Variants in ERC1 observed in about 807,000 individuals in gnomAD.
ERC1 encodes ELKS/RAB6-interacting/CAST family member 1, also known as RAB6 interacting protein 2.
Under a neutral mutation model 132.0 loss-of-function variants are expected in ERC1, and 56 were observed. The ratio of observed to expected loss-of-function variants is 0.42; its 90% CI spans 0.34 to 0.53. The LOEUF is 0.53. Among genes scored for constraint, ERC1 ranks in the 20% least tolerant of loss-of-function variants. The probability of loss-of-function intolerance (pLI) is 0.03; values close to 1 mark genes in which losing one functional copy is unlikely to be tolerated. For missense variants in ERC1, 1,202 were observed against 1,349.9 expected (o/e 0.89, Z 1.72); for synonymous variants, 478 against 476.1 (o/e 1.00, Z -0.05).
At chr12:1,234,606 A>G (rs777336055) in intron 12 of ERC1, among the ~76,000 whole-genome samples, 1 of 152,170 alleles carries the variant, frequency 6.6e-6, no homozygotes, top group Non-Finnish European at 1.5e-5. Flanking sequence ...CTAGTTCTGA[A>G]ATTTCTATGA....
intron 7 of ERC1, 195 bp downstream of exon 7, chr12:1,116,228 A>G (rs1387286555): frequency 2.2e-6 from 1 of 456,810 alleles, no homozygotes. Flanking sequence ...ACAAGTTAAA[A>G]CAGGTGCAGT....
At chr12:1,024,055 T>G (rs1004343185) in intron 1 of ERC1, among the ~76,000 whole-genome samples, 26 of 152,108 alleles carry the variant, frequency 1.7e-4, no homozygotes, top group Non-Finnish European at 3.7e-4. Context: ...ATGTAGGAGA[T>G]GAGATACGTA....
intron 8 of ERC1, among the ~76,000 whole-genome samples, chr12:1,155,582 T>G (rs1951306817): frequency 6.6e-6 from 1 of 151,988 alleles, no homozygotes; most frequent in Non-Finnish European, 1.5e-5. Context: ...GTTCACACCA[T>G]TCTCCTGCCT....
rs756965670 is a variant in ERC1 at position 1,190,060 on chromosome 12, A to G, written c.2351+8A>G. On this transcript the variant is annotated splice_region_variant and intron_variant, in intron 12 of 18. Transcript: ENST00000360905. ...GATAGCTGAGTTGGAAAGGTAAGAA[A>G]GTGAAGCTGATTGGGGCTTATGAGG... 1.1e-4 allele frequency: 178 copies of G among 1,609,736 alleles called. No individual in the cohort carries two copies. Among genetic ancestry groups the G allele is most frequent in the Non-Finnish European group, 1.5e-4 (175 of 1,176,550 alleles).
Position 1,084,822 on chromosome 12 carries a change from G to C in ERC1, c.1086+1242G>C, listed in dbSNP as rs189356617. On this transcript the variant is annotated intron_variant, in intron 3 of 18. Transcript: ENST00000360905. ...GCCTTCTGCCTTAGCCTCCCTAGTA[G>C]GTAGGTCTACAGGTGCATGCCACCA... Among the ~76,000 whole-genome samples the C allele has an allele frequency of 7.2e-5, 11 of 151,970 alleles. No homozygotes were observed. The East Asian group carries it at 2.1e-3, about 29-fold the overall frequency.
chr12:1,387,143 G>A (rs1036608583), intron 16 of ERC1, among the ~76,000 whole-genome samples: 8 of 151,552 alleles, frequency 5.3e-5, no homozygotes, highest in Admixed American at 2.6e-4. Context: ...TTTCTGTTTC[G>A]CATATTGACA....
At chr12:1,384,386 G>A (rs1450078690) in intron 16 of ERC1, among the ~76,000 whole-genome samples, 8 of 152,120 alleles carry the variant, frequency 5.3e-5, no homozygotes, top group Non-Finnish European at 4.4e-5. Flanking sequence ...AGCTAAGTTC[G>A]AAAATCTGTG....
chr12:1,239,751 G>T (rs1349084352), intron 13 of ERC1, among the ~76,000 whole-genome samples: 3 of 152,224 alleles, frequency 2.0e-5, no homozygotes, highest in African/African-American at 7.2e-5. Context: ...AAGAAGTTAG[G>T]AATTCTTGGA....
intron 12 of ERC1, among the ~76,000 whole-genome samples, chr12:1,195,187 T>C (rs1594123007): frequency 6.6e-6 from 1 of 152,202 alleles, no homozygotes; most frequent in Admixed American, 6.5e-5. Context: ...ATCTATACAC[T>C]TATGTGACTA....
chr12:1,437,918 A>C (rs1047910505), intron 17 of ERC1, among the ~76,000 whole-genome samples: 1 of 152,214 alleles, frequency 6.6e-6, no homozygotes, highest in Non-Finnish European at 1.5e-5. Flanking sequence ...TGTGGTTTTC[A>C]TAGGCACATT....
chr12:1,219,630 A>ACT (rs200963736), intron 12 of ERC1, among the ~76,000 whole-genome samples: 2 of 107,788 alleles, frequency 1.9e-5, no homozygotes, highest in Admixed American at 8.5e-5. Flanking sequence ...ATCAGACTGA[A>ACT]CTCTCTTTTT....
chr12:1,282,280 G>A (rs2078732667), intron 14 of ERC1, among the ~76,000 whole-genome samples: 3 of 152,076 alleles, frequency 2.0e-5, no homozygotes, highest in Admixed American at 1.3e-4. Flanking sequence ...GTATGACCTC[G>A]GACAAGGCAC....
In ERC1 at chr12:1,096,112, G is replaced by A. The variant is rs1944005793; in HGVS notation, c.1087-8638G>A. Among the ~76,000 whole-genome samples, 4 of 152,078 alleles carry A rather than the reference G, an allele frequency of 2.6e-5. 1 individual carries two copies. The South Asian group carries it at 8.3e-4, about 32-fold the overall frequency. On this transcript the variant is annotated intron_variant, in intron 3 of 18. Transcript: ENST00000360905. ...CAGCTAGTTTTATGTGTTTTTCATAGAGATGGGGATTCACCGTGTTGCCCA... is the reference window on the plus strand; with the variant it reads ...CAGCTAGTTTTATGTGTTTTTCATAAAGATGGGGATTCACCGTGTTGCCCA...
At chr12:1,055,556 T>G (rs1446128084) in intron 2 of ERC1, among the ~76,000 whole-genome samples, 1 of 152,314 alleles carries the variant, frequency 6.6e-6, no homozygotes, top group East Asian at 1.9e-4. Flanking sequence ...TGTAATGAAT[T>G]TCCCACAATC....
chr12:1,110,239 G>A lies in ERC1; in HGVS notation c.1209G>A (p.Glu403=). 1 of 1,613,572 alleles carries A rather than the reference G, an allele frequency of 6.2e-7. No individual in the cohort carries two copies. The highest frequency in any genetic ancestry group is 8.5e-7 in the Non-Finnish European group (1 of 1,179,734). Residue 403 remains glutamate, a synonymous_variant, in exon 5 of 19, where the codon GAG becomes GAA. Transcript: ENST00000360905. ...SMERGLRDLE[E]EIQMLKSNGA... ...AGCGTGGGCTTCGAGACCTGGAAGA[G>A]GAAATTCAGATGCTGAAATCGAATG...
chr12:1,325,355 A>T (rs2082375082), intron 15 of ERC1, among the ~76,000 whole-genome samples: 1 of 152,302 alleles, frequency 6.6e-6, no homozygotes, highest in Non-Finnish European at 1.5e-5. Context: ...TTCGAGGTTG[A>T]AAAAATGCTA....
intron 8 of ERC1, among the ~76,000 whole-genome samples, chr12:1,176,281 AT>A (rs1953706919): frequency 6.6e-6 from 1 of 152,238 alleles, no homozygotes; most frequent in Non-Finnish European, 1.5e-5. Context: ...GGGTGACCAG[AT>A]GCATTGTCAG....
In ERC1 at chr12:1,493,612, C is replaced by G. The variant is rs2094338981; in HGVS notation, c.*3382C>G. On this transcript the variant is annotated 3_prime_UTR_variant, in exon 19 of 19. Transcript: ENST00000360905. Reference sequence around the variant, plus strand: ...ATCACCAAATTCATCTCAGCTCTAACCTTTTAACCTTTGTCCTTGCACTTT... The same window carrying G: ...ATCACCAAATTCATCTCAGCTCTAAGCTTTTAACCTTTGTCCTTGCACTTT... 1 of 110,962 alleles carries G rather than the reference C, an allele frequency of 9.0e-6. No individual in the cohort carries two copies. The highest frequency in any genetic ancestry group is 2.0e-5 in the Non-Finnish European group (1 of 50,574). 6.9% of individuals were successfully genotyped at this position (110,962 alleles called of 1,614,324 possible). A position where few individuals can be genotyped will look rare whatever the true frequency, so the allele number is the denominator to read the frequency against.
intron 2 of ERC1, among the ~76,000 whole-genome samples, chr12:1,068,006 A>C (rs1939566125): frequency 7.0e-6 from 1 of 141,876 alleles, no homozygotes; most frequent in African/African-American, 2.7e-5. Flanking sequence ...ATCTCAGCTC[A>C]CTGCAGCATC....
Sources: allele counts gnomAD v4.1 joint callset (sites outside exome capture counted in the v4.1 genomes callset), GRCh38; gene constraint gnomAD v4.1.1; transcripts MANE v1.5; gene names NCBI Gene and HGNC (gene_info 2026-07-23, HGNC 2026-07-21).